LRRC4C: variants seen among roughly 807,000 people sequenced by gnomAD.
The protein encoded by LRRC4C is leucine-rich repeat-containing protein 4C.
In LRRC4C, 5 loss-of-function variants were observed where a neutral mutation model predicts 33.6. The observed-to-expected ratio is 0.15, with a 90% CI of 0.08 to 0.31. The LOEUF (loss-of-function observed/expected upper bound fraction) is 0.31. Ranked by LOEUF, LRRC4C falls within the 10% of genes least tolerant of loss-of-function variation. The pLI, the probability that LRRC4C is intolerant of heterozygous loss-of-function variation, is 1.00. For missense variants in LRRC4C, 560 were observed against 796.7 expected (o/e 0.70, Z 3.58); for synonymous variants, 329 against 302.0 (o/e 1.09, Z -0.93).
intron 1 of LRRC4C, among the ~76,000 whole-genome samples, chr11:40,939,235 T>C (rs1294218771): frequency 6.6e-6 from 1 of 152,174 alleles, no homozygotes; most frequent in East Asian, 1.9e-4. Flanking sequence ...TGAGATTTAA[T>C]TTTAAAAAGG....
chr11:40,421,994 T>G (rs1590684163), intron 3 of LRRC4C, among the ~76,000 whole-genome samples: 1 of 152,246 alleles, frequency 6.6e-6, no homozygotes, highest in African/African-American at 2.4e-5. Context: ...ACTGTTTCAG[T>G]GATTGTCCTA....
intron 1 of LRRC4C, among the ~76,000 whole-genome samples, chr11:41,128,918 C>T (rs1942881576): frequency 6.6e-6 from 1 of 151,916 alleles, no homozygotes; most frequent in African/African-American, 2.4e-5. Context: ...ACTTGTTTAA[C>T]TTGAACTTAT....
intron 2 of LRRC4C, among the ~76,000 whole-genome samples, chr11:40,705,345 A>G (rs895052057): frequency 6.6e-6 from 1 of 151,620 alleles, no homozygotes; most frequent in South Asian, 2.1e-4. Flanking sequence ...TCCCAACGCT[A>G]TCCCTCCCCC....
intron 2 of LRRC4C, among the ~76,000 whole-genome samples, chr11:40,721,671 C>T (rs1947021193): frequency 6.6e-6 from 1 of 152,216 alleles, no homozygotes; most frequent in African/African-American, 2.4e-5. Flanking sequence ...AATGATTGGG[C>T]TGGGCGTGGT....
chr11:40,584,941 T>TA (rs1958646749), intron 3 of LRRC4C, among the ~76,000 whole-genome samples: 1 of 132,456 alleles, frequency 7.5e-6, no homozygotes. Context: ...CAAAAACCAA[T>TA]TAAAAAAAAG....
At chr11:41,056,708 T>C (rs945491377) in intron 1 of LRRC4C, among the ~76,000 whole-genome samples, 1 of 151,998 alleles carries the variant, frequency 6.6e-6, no homozygotes, top group African/African-American at 2.4e-5. Flanking sequence ...AAAACCACAA[T>C]GAGATACCAT....
intron 3 of LRRC4C, among the ~76,000 whole-genome samples, chr11:40,635,525 C>T (rs1192648337): frequency 6.6e-6 from 1 of 151,344 alleles, no homozygotes; most frequent in Non-Finnish European, 1.5e-5. Context: ...ACATGTCTAC[C>T]AAAATGCAGT....
At chr11:40,617,608 C>T (rs1443363924) in intron 3 of LRRC4C, among the ~76,000 whole-genome samples, 2 of 151,694 alleles carry the variant, frequency 1.3e-5, no homozygotes, top group East Asian at 3.9e-4. Context: ...TTCCTATGCT[C>T]ACTTCTCTCC....
At chr11:41,442,929 C>T (rs1374870542) in intron 1 of LRRC4C, among the ~76,000 whole-genome samples, 2 of 152,132 alleles carry the variant, frequency 1.3e-5, no homozygotes, top group East Asian at 3.9e-4. Flanking sequence ...GCAGAAAATG[C>T]TTTTGAGGCA....
intron 6 of LRRC4C, among the ~76,000 whole-genome samples, chr11:40,122,988 T>C (rs2927200): frequency 0.76 from 95,583 of 125,992 alleles, 32,941 homozygotes; most frequent in Non-Finnish European, 0.8. Context: ...CACACACACA[T>C]ATATACTATT....
chr11:40,452,233 G>A (rs1445025484), intron 3 of LRRC4C, among the ~76,000 whole-genome samples: 2 of 152,190 alleles, frequency 1.3e-5, no homozygotes, highest in African/African-American at 4.8e-5. Flanking sequence ...TACCATCAGA[G>A]TGAACAGGCA....
chr11:40,994,053 CTT>C (rs10552924), intron 1 of LRRC4C, among the ~76,000 whole-genome samples: 51,322 of 144,658 alleles, frequency 0.35, 10,434 homozygotes, highest in East Asian at 0.53. Context: ...TTGGAATGTA[CTT>C]TTTTTTTTTT....
At chr11:40,496,312 G>C (rs1954455298) in intron 3 of LRRC4C, among the ~76,000 whole-genome samples, 1 of 152,102 alleles carries the variant, frequency 6.6e-6, no homozygotes, top group Non-Finnish European at 1.5e-5. Flanking sequence ...TTCCAGCTTT[G>C]TGAGGTGTAA....
intron 4 of LRRC4C, among the ~76,000 whole-genome samples, chr11:40,249,384 G>C (rs1235745062): frequency 2.0e-5 from 3 of 151,744 alleles, no homozygotes; most frequent in African/African-American, 7.3e-5. Flanking sequence ...AGTTAAATTA[G>C]TCTCATTTCC....
At chr11:40,373,115 C>T (rs987928788) in intron 3 of LRRC4C, among the ~76,000 whole-genome samples, 11 of 152,138 alleles carry the variant, frequency 7.2e-5, no homozygotes, top group African/African-American at 9.6e-5. Flanking sequence ...ACTAGGTTTC[C>T]TAATTATAAA....
chr11:40,658,927 T>C (rs533438933), intron 2 of LRRC4C, among the ~76,000 whole-genome samples: 1 of 152,318 alleles, frequency 6.6e-6, no homozygotes, highest in Admixed American at 6.5e-5. Context: ...CTGCTGGGGC[T>C]GCATGCTCTG....
At chr11:40,670,481 A>G (rs1944034674) in intron 2 of LRRC4C, among the ~76,000 whole-genome samples, 1 of 152,208 alleles carries the variant, frequency 6.6e-6, no homozygotes, top group Non-Finnish European at 1.5e-5. Context: ...ATGCGGCTAC[A>G]TTGATGGTAC....
intron 2 of LRRC4C, among the ~76,000 whole-genome samples, chr11:40,898,367 A>AG (rs1431354343): frequency 4.5e-5 from 2 of 44,536 alleles, no homozygotes; most frequent in African/African-American, 7.0e-5. Flanking sequence ...AAAAAAAAAA[A>AG]AAAAAGAAAA....
At chr11:41,429,962 G>T (rs1014394983) in intron 1 of LRRC4C, among the ~76,000 whole-genome samples, 1 of 152,192 alleles carries the variant, frequency 6.6e-6, no homozygotes, top group Non-Finnish European at 1.5e-5. Flanking sequence ...TGGTTAGAGA[G>T]GATCAATCAT....
Sources: allele counts gnomAD v4.1 joint callset (sites outside exome capture counted in the v4.1 genomes callset), GRCh38; gene constraint gnomAD v4.1.1; transcripts MANE v1.5; gene names NCBI Gene and HGNC (gene_info 2026-07-23, HGNC 2026-07-21).